PLEKHA5: variants seen among roughly 807,000 people sequenced by gnomAD.
PLEKHA5 encodes pleckstrin homology domain containing A5.
PLEKHA5 carries 55 observed loss-of-function variants against 181.9 expected under a neutral mutation model. That is an observed-to-expected ratio of 0.30 (90% CI 0.24 to 0.38). The LOEUF (loss-of-function observed/expected upper bound fraction) is 0.38, where lower values mean the gene tolerates loss of function less well. Among genes scored for constraint, PLEKHA5 ranks in the 10% least tolerant of loss-of-function variants. The pLI is 1.00. For missense variants in PLEKHA5, 1,432 were observed against 1,549.5 expected, an observed-to-expected ratio of 0.92 and a Z score of 1.27; for synonymous variants, 535 against 529.4, an observed-to-expected ratio of 1.01 and a Z score of -0.15.
intron 8 of PLEKHA5, among the ~76,000 whole-genome samples, chr12:19,268,342 C>A (rs910391511): frequency 1.3e-5 from 2 of 152,042 alleles, no homozygotes; most frequent in Non-Finnish European, 2.9e-5. Context: ...ATTTGTAGGA[C>A]TTTTTTCTGC....
intron 12 of PLEKHA5, among the ~76,000 whole-genome samples, chr12:19,286,242 G>T (rs1471470267): frequency 6.6e-6 from 1 of 152,100 alleles, no homozygotes; most frequent in African/African-American, 2.4e-5. Context: ...TTTTCCAGAT[G>T]ACCAGTGTTT....
intron 12 of PLEKHA5, among the ~76,000 whole-genome samples, chr12:19,284,925 T>C (rs778102957): frequency 6.6e-5 from 10 of 152,192 alleles, no homozygotes; most frequent in Non-Finnish European, 1.5e-4. Flanking sequence ...AGAGCAGGAC[T>C]CTGACTCAAA....
At chr12:19,356,614 C>T (rs1227104655) in intron 26 of PLEKHA5, among the ~76,000 whole-genome samples, 1 of 151,436 alleles carries the variant, frequency 6.6e-6, no homozygotes, top group Non-Finnish European at 1.5e-5. Flanking sequence ...AGATCTTCAT[C>T]CTCATCATCT....
intron 3 of PLEKHA5, among the ~76,000 whole-genome samples, chr12:19,237,963 A>C (rs1223096811): frequency 1.3e-5 from 2 of 151,876 alleles, no homozygotes; most frequent in Non-Finnish European, 2.9e-5. Context: ...CATTCTATTT[A>C]TATTGTACAA....
At chr12:19,208,547 A>G (rs534858039) in intron 3 of PLEKHA5, among the ~76,000 whole-genome samples, 113 of 152,272 alleles carry the variant, frequency 7.4e-4, no homozygotes, top group African/African-American at 2.6e-3. Context: ...TTTTTCTTAA[A>G]TTGTATTTTG....
chr12:19,264,817 A>G (rs2069771973), intron 7 of PLEKHA5, among the ~76,000 whole-genome samples: 1 of 152,230 alleles, frequency 6.6e-6, no homozygotes, highest in African/African-American at 2.4e-5. Context: ...AAACATAATA[A>G]AAAGAATTAT....
intron 25 of PLEKHA5, among the ~76,000 whole-genome samples, chr12:19,353,035 G>A (rs1014873213): frequency 2.5e-4 from 37 of 146,176 alleles, no homozygotes; most frequent in Admixed American, 1.2e-3. Context: ...TGATCATCCC[G>A]CCTCAGCCTC....
At chr12:19,338,867 G>A (rs1468164446) in intron 21 of PLEKHA5, among the ~76,000 whole-genome samples, 1 of 150,300 alleles carries the variant, frequency 6.7e-6, no homozygotes, top group African/African-American at 2.5e-5. Context: ...CTGAGTGATG[G>A]GCAAAAGTCC....
chr12:19,162,553 A>C (rs2043198118), intron 3 of PLEKHA5, among the ~76,000 whole-genome samples: 1 of 147,356 alleles, frequency 6.8e-6, no homozygotes, highest in South Asian at 2.2e-4. Flanking sequence ...ATATAAATGA[A>C]ATCAGAAGTA....
At chr12:19,209,373 T>G (rs967396661) in intron 3 of PLEKHA5, among the ~76,000 whole-genome samples, 5 of 152,102 alleles carry the variant, frequency 3.3e-5, no homozygotes, top group Middle Eastern at 3.2e-3. Context: ...TCCACATCAG[T>G]TTTCAAGGAA....
intron 15 of PLEKHA5, among the ~76,000 whole-genome samples, chr12:19,308,911 A>G (rs892024266): frequency 7.4e-6 from 1 of 135,414 alleles, no homozygotes; most frequent in African/African-American, 3.0e-5. Context: ...ACACACACAA[A>G]ATTAGCCAGG....
At chr12:19,326,293 A>G (rs2092073471) in intron 20 of PLEKHA5, among the ~76,000 whole-genome samples, 1 of 152,224 alleles carries the variant, frequency 6.6e-6, no homozygotes, top group Non-Finnish European at 1.5e-5. Flanking sequence ...GCATAACATC[A>G]TACTGGGCAT....
At chr12:19,180,962 C>T (rs2048404473) in intron 3 of PLEKHA5, among the ~76,000 whole-genome samples, 1 of 150,218 alleles carries the variant, frequency 6.7e-6, no homozygotes, top group Non-Finnish European at 1.5e-5. Flanking sequence ...AAGAACTCCA[C>T]AGTGCACAGT....
At chr12:19,195,142 G>A (rs181444641) in intron 3 of PLEKHA5, among the ~76,000 whole-genome samples, 121 of 152,090 alleles carry the variant, frequency 8.0e-4, no homozygotes, top group African/African-American at 2.7e-3. Flanking sequence ...TTCAACTTGC[G>A]CAAAGTTAGT....
chr12:19,289,320 A>C (rs551622068), intron 13 of PLEKHA5, among the ~76,000 whole-genome samples: 25 of 152,342 alleles, frequency 1.6e-4, no homozygotes, highest in Middle Eastern at 3.4e-3. Flanking sequence ...ATAATTTTTA[A>C]TATGATTTTG....
chr12:19,282,141 T>G (rs2076325642), intron 11 of PLEKHA5, among the ~76,000 whole-genome samples: 2 of 152,204 alleles, frequency 1.3e-5, no homozygotes, highest in Non-Finnish European at 2.9e-5. Flanking sequence ...TTGGAAATGG[T>G]AGTATTCTGT....
In PLEKHA5 at chr12:19,270,207, T is replaced by G. The variant is rs1229988182; in HGVS notation, c.845+2T>G. 12 of 1,446,372 alleles carry G rather than the reference T, an allele frequency of 8.3e-6. No individual in the cohort carries two copies. The highest frequency in any genetic ancestry group is 1.1e-5 in the Non-Finnish European group (12 of 1,087,180). 89.6% of individuals were successfully genotyped at this position (1,446,372 alleles called of 1,614,324 possible). On this transcript the variant is annotated splice_donor_variant, in intron 10 of 31. Coordinates refer to ENST00000429027, the MANE Select transcript of PLEKHA5 (RefSeq NM_001256470.2). LOFTEE classifies it high-confidence loss of function. ...TTACAGAATTACCTTTAATTTCCGG[T>G]GAGTACGTTTTTAATTGTTACCTTA...
chr12:19,222,859 G>A (rs1400080897), intron 3 of PLEKHA5, among the ~76,000 whole-genome samples: 1 of 151,982 alleles, frequency 6.6e-6, no homozygotes, highest in African/African-American at 2.4e-5. Context: ...ACCACACTTC[G>A]GGGGGTAGCT....
chr12:19,224,762 A>G (rs116802112), intron 3 of PLEKHA5, among the ~76,000 whole-genome samples: 1,646 of 152,310 alleles, frequency 0.011, 34 homozygotes, highest in African/African-American at 0.037. Flanking sequence ...TGATAGTGAT[A>G]TTTCAAAAGT....
Sources: gnomAD v4.1 joint callset for allele counts (sites outside exome capture counted in the v4.1 genomes callset) on GRCh38, gnomAD v4.1.1 for gene constraint, MANE v1.5 for transcripts, NCBI Gene and HGNC (gene_info 2026-07-23, HGNC 2026-07-21) for gene names.